The following MARCHF11 variants were observed in gnomAD, a reference collection of about 807,000 sequenced individuals.
MARCHF11 encodes membrane associated ring-CH-type finger 11.
Under a neutral mutation model 37.3 loss-of-function variants are expected in MARCHF11, and 29 were observed. The ratio of observed to expected loss-of-function variants is 0.78; its 90% CI spans 0.58 to 1.06. The LOEUF (loss-of-function observed/expected upper bound fraction) is 1.06, where lower values mean the gene tolerates loss of function less well. MARCHF11 is among the 50% of genes least tolerant of loss of function. MARCHF11 has a pLI of 0.00. For missense variants in MARCHF11, 482 were observed against 533.4 expected (o/e 0.90, Z 0.95); for synonymous variants, 233 against 228.0 (o/e 1.02, Z -0.20).
intron 2 of MARCHF11, among the ~76,000 whole-genome samples, chr5:16,158,955 T>A (rs902958711): frequency 2.0e-5 from 3 of 151,786 alleles, no homozygotes; most frequent in Non-Finnish European, 4.4e-5. Context: ...TTGCTGAGAG[T>A]AGATTTTAAG....
intron 2 of MARCHF11, among the ~76,000 whole-genome samples, chr5:16,147,082 C>A (rs982961321): frequency 6.6e-6 from 1 of 152,096 alleles, no homozygotes; most frequent in African/African-American, 2.4e-5. Context: ...AAAAGACTAT[C>A]TTTTATTTGA....
rs774238863 is a variant in MARCHF11 at position 16,115,043 on chromosome 5, T to TA, written c.694-23963dup. Among the ~76,000 whole-genome samples the TA allele has an allele frequency of 3.9e-3, 578 of 149,078 alleles. 4 individuals are homozygous for TA. Among genetic ancestry groups the TA allele is most frequent in the East Asian group, 8.7e-3 (44 of 5,076 alleles). ...CTACGATTATTTCATCTTTTTGCGG[T>TA]AAAAAAAAAATGTCTTGCCTTCAGT... is the stretch of plus-strand genomic sequence containing the variant. On this transcript the variant is annotated intron_variant, in intron 2 of 3. Coordinates refer to ENST00000332432, the MANE Select transcript of MARCHF11 (RefSeq NM_001102562.3).
In MARCHF11 at chr5:16,091,223, T is replaced by A. The variant is rs935751716; in HGVS notation, c.694-142A>T. Reference sequence around the variant, plus strand: ...ACCCCAAATGAATTTTTTCATTTCATCCAGGCTATAAAAAATAGAGAAGCA... The same window carrying A: ...ACCCCAAATGAATTTTTTCATTTCAACCAGGCTATAAAAAATAGAGAAGCA... On this transcript the variant is annotated intron_variant, in intron 2 of 3. Transcript: ENST00000332432. The A allele has an allele frequency of 5.1e-6, 3 of 593,356 alleles. No homozygotes were observed. The African/African-American group carries it at 5.7e-5, about 11-fold the overall frequency. 36.8% of individuals were successfully genotyped at this position (593,356 alleles called of 1,614,324 possible). A position where few individuals can be genotyped will look rare whatever the true frequency, so the allele number is the denominator to read the frequency against.
At chr5:16,150,981 C>CT (rs1737879349) in intron 2 of MARCHF11, among the ~76,000 whole-genome samples, 1 of 152,038 alleles carries the variant, frequency 6.6e-6, no homozygotes, top group Non-Finnish European at 1.5e-5. Context: ...GCATGAGCCC[C>CT]TTCTTTGATC....
chr5:16,075,312 G>A (rs564115147), intron 3 of MARCHF11, among the ~76,000 whole-genome samples: 1 of 152,300 alleles, frequency 6.6e-6, no homozygotes, highest in Non-Finnish European at 1.5e-5. Context: ...TTTGCACAAC[G>A]AAGTATTAAT....
At chr5:16,132,646 T>C (rs982639594) in intron 2 of MARCHF11, among the ~76,000 whole-genome samples, 8 of 152,320 alleles carry the variant, frequency 5.3e-5, no homozygotes, top group South Asian at 4.1e-4. Flanking sequence ...GGTGAAGTGT[T>C]GGCCTGGACA....
intron 2 of MARCHF11, among the ~76,000 whole-genome samples, chr5:16,096,208 G>C (rs544904404): frequency 2.0e-5 from 3 of 152,324 alleles, no homozygotes; most frequent in African/African-American, 7.2e-5. Flanking sequence ...TGTGGCAATG[G>C]AAGAAATTCA....
In MARCHF11 at chr5:16,091,037, A is replaced by C; in HGVS notation, c.738T>G (p.Ile246Met). Residue 246 changes from isoleucine to methionine, a missense_variant, in exon 3 of 4, where the codon ATT becomes ATG. By Grantham distance (10) the Ile-to-Met change is conservative (BLOSUM62 1). Coordinates refer to ENST00000332432, the MANE Select transcript of MARCHF11 (RefSeq NM_001102562.3). ...AGAACAGGGATCCTAGGATTACAGC[A>C]ATCATCTGAACTTTCTCAACCAGTG... Reference protein sequence around the residue: ...SITLVEKVQMIAVILGSLFLI... With the variant: ...SITLVEKVQMMAVILGSLFLI... 3.7e-6 allele frequency: 6 copies of C among 1,605,518 alleles called. No homozygotes were observed. Among genetic ancestry groups the C allele is most frequent in the Non-Finnish European group, 5.1e-6 (6 of 1,175,560 alleles).
intron 3 of MARCHF11, among the ~76,000 whole-genome samples, chr5:16,085,673 C>T (rs1245923473): frequency 1.3e-5 from 2 of 151,978 alleles, no homozygotes; most frequent in African/African-American, 4.8e-5. Flanking sequence ...TATTACTCCG[C>T]CGGGCGCAGT....
intron 3 of MARCHF11, among the ~76,000 whole-genome samples, chr5:16,079,020 T>C (rs984671937): frequency 6.6e-6 from 1 of 152,130 alleles, no homozygotes; most frequent in Non-Finnish European, 1.5e-5. Flanking sequence ...CCATGGGAGA[T>C]GTGTCCTCCT....
At chr5:16,090,165 C>G (rs1736768340) in intron 3 of MARCHF11, among the ~76,000 whole-genome samples, 2 of 152,192 alleles carry the variant, frequency 1.3e-5, no homozygotes, top group Admixed American at 1.3e-4. Context: ...TGCTCTACCC[C>G]TCGCCGACTG....
intron 2 of MARCHF11, among the ~76,000 whole-genome samples, chr5:16,160,280 TA>T (rs1248894678): frequency 9.0e-5 from 13 of 144,728 alleles, no homozygotes; most frequent in Non-Finnish European, 1.8e-4. Flanking sequence ...TTATATTAAA[TA>T]TTTAATATTT....
intron 2 of MARCHF11, among the ~76,000 whole-genome samples, chr5:16,176,207 A>G (rs945465291): frequency 2.6e-5 from 4 of 152,098 alleles, no homozygotes; most frequent in African/African-American, 4.8e-5. Context: ...TATAGTTGCC[A>G]TAAGTTCAAG....
chr5:16,103,134 C>T (rs1013601502), intron 2 of MARCHF11, among the ~76,000 whole-genome samples: 49 of 146,920 alleles, frequency 3.3e-4, no homozygotes, highest in African/African-American at 1.2e-3. Context: ...CAAAACTCCA[C>T]AAAAGTCTAA....
chr5:16,135,395 C>G (rs566646395), intron 2 of MARCHF11, among the ~76,000 whole-genome samples: 11 of 151,764 alleles, frequency 7.2e-5, no homozygotes, highest in Non-Finnish European at 8.8e-5. Flanking sequence ...TTATTGAAAC[C>G]AAAATTGAAG....
At chr5:16,178,483 A>T (rs180880726) in intron 1 of MARCHF11, among the ~76,000 whole-genome samples, 17 of 152,314 alleles carry the variant, frequency 1.1e-4, no homozygotes, top group African/African-American at 4.1e-4. Flanking sequence ...TAATTTTAGA[A>T]TTGTGTTGCT....
intron 2 of MARCHF11, among the ~76,000 whole-genome samples, chr5:16,170,005 C>A (rs966322735): frequency 1.3e-5 from 2 of 152,094 alleles, no homozygotes; most frequent in Admixed American, 6.6e-5. Context: ...GAGGAAATAG[C>A]CTGTTGTCTG....
intron 2 of MARCHF11, among the ~76,000 whole-genome samples, chr5:16,094,602 G>A (rs989662932): frequency 2.2e-4 from 33 of 152,182 alleles, no homozygotes; most frequent in African/African-American, 7.7e-4. Flanking sequence ...ACAATAGCCA[G>A]ATTGGCTCTA....
At chr5:16,072,507 A>G (rs905979161) in intron 3 of MARCHF11, among the ~76,000 whole-genome samples, 1 of 97,264 alleles carries the variant, frequency 1.0e-5, no homozygotes, top group Non-Finnish European at 1.9e-5. Flanking sequence ...TCTCTCTCTC[A>G]CTCTGTGTGT....
Sources: gnomAD v4.1 joint callset for allele counts (sites outside exome capture counted in the v4.1 genomes callset) on GRCh38, gnomAD v4.1.1 for gene constraint, MANE v1.5 for transcripts, NCBI Gene and HGNC (gene_info 2026-07-23, HGNC 2026-07-21) for gene names.